The following MCM9 variants were observed in gnomAD, a reference collection of about 807,000 sequenced individuals.
The protein encoded by MCM9 is minichromosome maintenance 9 homologous recombination repair factor, also known as DNA helicase MCM9.
Under a neutral mutation model 72.8 loss-of-function variants are expected in MCM9, and 55 were observed. The observed-to-expected ratio is 0.76, with a 90% confidence interval of 0.61 to 0.95. The LOEUF is 0.95. Among genes scored for constraint, MCM9 ranks in the 40% least tolerant of loss-of-function variants. MCM9 has a pLI of 0.00. For missense variants in MCM9, 1,279 were observed against 1,377.0 expected, an observed-to-expected ratio of 0.93 and a Z score of 1.13; for synonymous variants, 480 against 503.4, an observed-to-expected ratio of 0.95 and a Z score of 0.62.
intron 8 of MCM9, among the ~76,000 whole-genome samples, chr6:118,864,025 C>T (rs1389923283): frequency 1.3e-5 from 2 of 150,544 alleles, no homozygotes; most frequent in Non-Finnish European, 3.0e-5. Flanking sequence ...AAAAAAGACC[C>T]AACTATAAGA....
chr6:118,930,179 C>T (rs1301684878), intron 3 of MCM9, among the ~76,000 whole-genome samples: 4 of 152,190 alleles, frequency 2.6e-5, no homozygotes, highest in African/African-American at 4.8e-5. Flanking sequence ...GGCGCGATCT[C>T]GGCTCACTGC....
intron 3 of MCM9, among the ~76,000 whole-genome samples, chr6:118,930,165 C>T (rs913931054): frequency 6.2e-4 from 94 of 152,044 alleles, no homozygotes; most frequent in Non-Finnish European, 1.1e-3. Flanking sequence ...GGCTGGAGTG[C>T]AATGGCGCGA....
chr6:118,886,043 A>T (rs1778577931), intron 8 of MCM9, among the ~76,000 whole-genome samples: 1 of 115,326 alleles, frequency 8.7e-6, no homozygotes, highest in African/African-American at 3.4e-5. Context: ...TCTCGTTAGT[A>T]GAATAAGGGA....
chr6:118,892,491 CTCT>C (rs982544208), intron 8 of MCM9, among the ~76,000 whole-genome samples: 2 of 152,168 alleles, frequency 1.3e-5, no homozygotes, highest in African/African-American at 2.4e-5. Flanking sequence ...CTAGACTCTC[CTCT>C]TAAGAGTACC....
intron 8 of MCM9, among the ~76,000 whole-genome samples, chr6:118,882,561 C>T (rs912051016): frequency 6.6e-6 from 1 of 152,148 alleles, no homozygotes; most frequent in African/African-American, 2.4e-5. Flanking sequence ...GAGTGCTGAG[C>T]AACTTATCCC....
chr6:118,814,893 G>C lies in MCM9; in HGVS notation c.3363C>G (p.Phe1121Leu), dbSNP rs751616291. The C allele has an allele frequency of 1.6e-5, 25 of 1,548,032 alleles. No homozygotes were observed. The African/African-American group carries it at 3.0e-4, about 19-fold the overall frequency. ...CTTCATCACCTAGTTCTGGTAAAGT[G>C]AAGAGGGATTCTTTGGAAACAATCA... ...EKLIVSKESL[F>L]TLPELGDEAF... The change falls in exon 14 of 14, where the codon TTC becomes TTG. Residue 1121 changes from phenylalanine to leucine, a missense_variant. Physicochemically the swap from Phe to Leu is conservative, Grantham distance 22 (BLOSUM62 0). Coordinates refer to ENST00000619706, the MANE Select transcript of MCM9 (RefSeq NM_017696.3).
intron 9 of MCM9, among the ~76,000 whole-genome samples, chr6:118,851,857 G>C (rs1776246000): frequency 6.6e-6 from 1 of 152,024 alleles, no homozygotes; most frequent in African/African-American, 2.4e-5. Flanking sequence ...ACAGTGCGGT[G>C]GTCTAAAAAA....
intron 8 of MCM9, chr6:118,900,661 AT>A: frequency 1.2e-6 from 1 of 808,658 alleles, no homozygotes; most frequent in Non-Finnish European, 2.1e-6. Flanking sequence ...TGAGAAGCCA[AT>A]TTTAAAGCCA....
Position 118,843,960 on chromosome 6 carries a change from C to T in MCM9, c.1325+12411G>A, listed in dbSNP as rs138939094. Among the ~76,000 whole-genome samples the T allele has an allele frequency of 7.7e-3, 1,140 of 148,762 alleles. 9 individuals are homozygous for T. Among genetic ancestry groups the T allele is most frequent in the South Asian group, 0.029 (139 of 4,786 alleles). On this transcript the variant is annotated intron_variant, in intron 9 of 13. Transcript: ENST00000619706. ...GGTACCAAATGTCTCAAAGGAAAAC[C>T]TGAAGTGGTTAGAAAGGCAGGGCCC... is the stretch of plus-strand genomic sequence containing the variant.
chr6:118,853,790 C>A (rs745842327), intron 9 of MCM9, among the ~76,000 whole-genome samples: 3 of 152,174 alleles, frequency 2.0e-5, no homozygotes, highest in Non-Finnish European at 4.4e-5. Flanking sequence ...CAAAGTGAGA[C>A]TCTGTCTCAA....
At chr6:118,843,708 GTATATATA>G (rs1562407294) in intron 9 of MCM9, among the ~76,000 whole-genome samples, 9 of 59,150 alleles carry the variant, frequency 1.5e-4, no homozygotes, top group South Asian at 9.3e-4. Context: ...ATATATGTAT[GTATATATA>G]TATGTATATA....
At chr6:118,925,581 T>C (rs1583691078) in intron 3 of MCM9, among the ~76,000 whole-genome samples, 1 of 152,188 alleles carries the variant, frequency 6.6e-6, no homozygotes, top group African/African-American at 2.4e-5. Flanking sequence ...AAATTCTCTC[T>C]CCATACACTG....
rs543065031 is a variant in MCM9, at chr6:118,815,941, A to G, written c.2315T>C (p.Met772Thr). 70 of 1,550,042 alleles carry G rather than the reference A, an allele frequency of 4.5e-5. No homozygotes were observed. The highest frequency in any genetic ancestry group is 5.8e-5 in the Non-Finnish European group (66 of 1,146,970). Residue 772 changes from methionine to threonine, a missense_variant, in exon 14 of 14, where the codon ATG becomes ACG. Transcript: ENST00000619706. Reference sequence around the variant, plus strand: ...TGTGCTGTTAGAGATCTTCGAAGCCATATTTTCTCCAGATGTTTTGGGATG... The same window carrying G: ...TGTGCTGTTAGAGATCTTCGAAGCCGTATTTTCTCCAGATGTTTTGGGATG... Reference protein sequence around the residue: ...SPHPKTSGENMASKISNSTSQ... With the variant: ...SPHPKTSGENTASKISNSTSQ...
chr6:118,816,225 C>A lies in MCM9; in HGVS notation c.2031G>T (p.Leu677Phe). The change falls in exon 14 of 14, where the codon TTG becomes TTT. Residue 677 changes from leucine (L) to phenylalanine (F), a missense_variant. Transcript: ENST00000619706. ...VLEVETTPGS[L>F]RNGPGEESNF... Reference sequence around the variant, plus strand: ...TTGATTCTTCCCCTGGACCATTTCTCAAGGATCCTGGAGTAGTCTCTACCT... The same window carrying A: ...TTGATTCTTCCCCTGGACCATTTCTAAAGGATCCTGGAGTAGTCTCTACCT... The A allele has an allele frequency of 6.4e-7, 1 of 1,550,440 alleles. No individual in the cohort carries two copies. Among genetic ancestry groups the A allele is most frequent in the Non-Finnish European group, 8.7e-7 (1 of 1,146,886 alleles).
chr6:118,815,217 C>A lies in MCM9; in HGVS notation c.3039G>T (p.Lys1013Asn). The stretch of plus-strand genomic sequence containing the variant: ...GCTCTAATTCAGGCTGAATAATCCT[C>A]TTCTCAGGGGCACACATCACCTTCT... ...PREKVMCAPEKRIIQPELELG... is the reference protein window; with the variant it reads ...PREKVMCAPENRIIQPELELG... Residue 1013 changes from lysine to asparagine, a missense_variant, in exon 14 of 14, where the codon AAG (lysine) becomes AAT (asparagine). Transcript: ENST00000619706. 6.4e-7 allele frequency: 1 copy of A among 1,550,622 alleles called. No homozygotes were observed. The highest frequency in any genetic ancestry group is 1.2e-5 in the South Asian group (1 of 84,050).
chr6:118,874,852 G>A lies in MCM9; in HGVS notation c.1151-18307C>T, dbSNP rs183264250. Among the ~76,000 whole-genome samples the A allele has an allele frequency of 2.0e-3, 312 of 152,306 alleles. 2 individuals carry two copies. The highest frequency in any genetic ancestry group is 7.0e-3 in the African/African-American group (289 of 41,570). ...CCATTGGCCGGGCACAGTGGCTCAC[G>A]CCTGTAATCCCAGCACTCTGGGAGG... On this transcript the variant is annotated intron_variant, in intron 8 of 13. Transcript: ENST00000619706.
chr6:118,837,063 G>A (rs1301908424), intron 9 of MCM9, among the ~76,000 whole-genome samples: 1 of 152,094 alleles, frequency 6.6e-6, no homozygotes, highest in African/African-American at 2.4e-5. Flanking sequence ...AGAGATTCTG[G>A]TACGTTGTGA....
At position 118,828,042 on chromosome 6, in the gene MCM9, A is replaced by T; in HGVS notation, c.1617T>A (p.Ser539=). 6 of 1,550,654 alleles carry T rather than the reference A, an allele frequency of 3.9e-6. No individual in the cohort carries two copies. The highest frequency in any genetic ancestry group is 5.2e-6 in the Non-Finnish European group (6 of 1,146,884). The change falls in exon 11 of 14, where the codon TCT becomes TCA. Residue 539 remains serine (S), a synonymous_variant. Coordinates refer to ENST00000619706, the MANE Select transcript of MCM9 (RefSeq NM_017696.3). The part of the protein sequence containing the change: ...CLIRNLQPTL[S]DVGNQVLLRY... ...GGAGAAGAACCTGATTGCCCACATC[A>T]GACAGTGTGGGCTGCAGATTCCTTA...
At chr6:118,880,293 T>C (rs1052478986) in intron 8 of MCM9, among the ~76,000 whole-genome samples, 14 of 152,180 alleles carry the variant, frequency 9.2e-5, no homozygotes, top group African/African-American at 3.1e-4. Context: ...TGTAGAAGTT[T>C]ACAAGGAACT....
Sources: allele counts gnomAD v4.1 joint callset (sites outside exome capture counted in the v4.1 genomes callset), GRCh38; gene constraint gnomAD v4.1.1; transcripts MANE v1.5; gene names NCBI Gene and HGNC (gene_info 2026-07-23, HGNC 2026-07-21).